The following RTL4 variants were observed in gnomAD, a reference collection of about 807,000 sequenced individuals.
The protein encoded by RTL4 is retrotransposon Gag-like protein 4.
RTL4 carries 4 observed loss-of-function variants against 5.3 expected under a neutral mutation model. The ratio of observed to expected loss-of-function variants is 0.75; its 90% confidence interval spans 0.37 to 1.72. The LOEUF is 1.72. Among genes scored for constraint, RTL4 ranks in the 40% most tolerant of loss-of-function variants. The probability of loss-of-function intolerance (pLI) is 0.04; values close to 1 mark genes in which losing one functional copy is unlikely to be tolerated. For missense variants in RTL4, 260 were observed against 227.1 expected (o/e 1.14, Z -0.93); for synonymous variants, 98 against 87.3 (o/e 1.12, Z -0.68).
At chrX:112,356,852 A>G in the RTL4 span, among the ~76,000 whole-genome samples, 1 of 111,602 alleles carries the variant, frequency 9.0e-6, no homozygotes, top group African/African-American at 3.3e-5. Context: ...TCATGTGTTC[A>G]TCTTAACCCA....
chrX:112,134,719 T>A, the RTL4 span, among the ~76,000 whole-genome samples: 1 of 112,255 alleles, frequency 8.9e-6, no homozygotes, highest in Non-Finnish European at 1.9e-5. Context: ...TGGATTTTCC[T>A]CCTAGCCCTC....
chrX:112,242,582 TAAG>T, the RTL4 span, among the ~76,000 whole-genome samples: 1 of 112,131 alleles, frequency 8.9e-6, no homozygotes, highest in African/African-American at 3.2e-5. Flanking sequence ...CTTATCAGCT[TAAG>T]GAGATTTTGG....
At chrX:112,119,769 G>A in the RTL4 span, among the ~76,000 whole-genome samples, 1 of 111,662 alleles carries the variant, frequency 9.0e-6, no homozygotes, top group Non-Finnish European at 1.9e-5. Context: ...TAATGGGAAA[G>A]AGCACCAACC....
chrX:112,377,057 T>G, the RTL4 span, among the ~76,000 whole-genome samples: 3 of 111,941 alleles, frequency 2.7e-5, no homozygotes, highest in African/African-American at 9.7e-5. Flanking sequence ...TCTATAAACA[T>G]TAAGCTCATG....
At chrX:112,338,713 C>A in the RTL4 span, among the ~76,000 whole-genome samples, 23,034 of 110,765 alleles carry the variant, frequency 0.21, 1,837 homozygotes, top group Admixed American at 0.32. Flanking sequence ...ACCCTAGTCC[C>A]ATGATTTCAT....
chrX:112,355,026 T>C, the RTL4 span, among the ~76,000 whole-genome samples: 1 of 111,715 alleles, frequency 9.0e-6, no homozygotes, highest in Non-Finnish European at 1.9e-5. Flanking sequence ...TTCATGTAAA[T>C]GCTTCTTCGG....
chrX:112,116,323 G>C, the RTL4 span, among the ~76,000 whole-genome samples: 40 of 111,625 alleles, frequency 3.6e-4, no homozygotes, highest in African/African-American at 1.2e-3. Flanking sequence ...GACTTCAAGA[G>C]TGAAGCTGTG....
At chrX:112,250,256 G>A in the RTL4 span, among the ~76,000 whole-genome samples, 3 of 108,924 alleles carry the variant, frequency 2.8e-5, no homozygotes, top group South Asian at 4.1e-4. Flanking sequence ...TCCAGCCTTG[G>A]TGACAGAGCG....
chrX:112,177,166 T>C, the RTL4 span, among the ~76,000 whole-genome samples: 1 of 111,127 alleles, frequency 9.0e-6, no homozygotes, highest in Non-Finnish European at 1.9e-5. Flanking sequence ...CAGATATCTC[T>C]TTCATATATT....
chrX:112,138,942 A>T, the RTL4 span, among the ~76,000 whole-genome samples: 1 of 111,548 alleles, frequency 9.0e-6, no homozygotes, highest in African/African-American at 3.2e-5. Flanking sequence ...GTTTTTAAAT[A>T]ATGTCTGTTT....
chrX:112,211,265 A>C, the RTL4 span, among the ~76,000 whole-genome samples: 4 of 112,103 alleles, frequency 3.6e-5, no homozygotes, highest in African/African-American at 9.7e-5. Flanking sequence ...GGAGCTTAGA[A>C]AGAGGACTAA....
chrX:112,103,579 C>T, the RTL4 span, among the ~76,000 whole-genome samples: 7 of 102,704 alleles, frequency 6.8e-5, no homozygotes, highest in South Asian at 1.3e-3. Context: ...TGGAACTGAA[C>T]GAAAAAAAAA....
At chrX:112,419,226 T>A in the RTL4 span, among the ~76,000 whole-genome samples, 4 of 100,000 alleles carry the variant, frequency 4.0e-5, no homozygotes, top group Admixed American at 2.3e-4. Flanking sequence ...TGGGAGGGAG[T>A]CTGTCCCTTT....
chrX:112,297,748 A>C, the RTL4 span, among the ~76,000 whole-genome samples: 1 of 111,592 alleles, frequency 9.0e-6, no homozygotes, highest in South Asian at 3.8e-4. Context: ...GTGGCTCTCA[A>C]CCGCTTTCTT....
chrX:112,351,611 C>A, the RTL4 span, among the ~76,000 whole-genome samples: 2 of 107,622 alleles, frequency 1.9e-5, no homozygotes, highest in African/African-American at 7.0e-5. Flanking sequence ...GATCCCTTTA[C>A]CATTATGTAA....
chrX:112,178,280 C>T, the RTL4 span, among the ~76,000 whole-genome samples: 5 of 111,485 alleles, frequency 4.5e-5, no homozygotes, highest in South Asian at 7.6e-4. Context: ...CAGCTTTCCC[C>T]GATGATTCTG....
At chrX:112,427,649 A>G in the RTL4 span, among the ~76,000 whole-genome samples, 8 of 111,230 alleles carry the variant, frequency 7.2e-5, no homozygotes, top group Non-Finnish European at 1.5e-4. Context: ...TTCCTAATTA[A>G]TAATTTAAAA....
At chrX:112,364,313 C>T in the RTL4 span, among the ~76,000 whole-genome samples, 1 of 111,368 alleles carries the variant, frequency 9.0e-6, no homozygotes, top group Non-Finnish European at 1.9e-5. Flanking sequence ...CCTCTACTCC[C>T]CATGAGAACC....
At chrX:112,188,399 C>T in the RTL4 span, among the ~76,000 whole-genome samples, 1 of 111,994 alleles carries the variant, frequency 8.9e-6, no homozygotes, top group Non-Finnish European at 1.9e-5. Flanking sequence ...AACACTGCCT[C>T]CATCCCCAGG....
Sources: allele counts gnomAD v4.1 joint callset (sites outside exome capture counted in the v4.1 genomes callset), GRCh38; gene constraint gnomAD v4.1.1; transcripts MANE v1.5; gene names NCBI Gene and HGNC (gene_info 2026-07-23, HGNC 2026-07-21).